MACIR: variants seen among roughly 807,000 people sequenced by gnomAD.
MACIR encodes the protein UNC119-binding protein C5orf30.
A neutral mutation model predicts 14.3 loss-of-function variants in MACIR; 4 were observed. The observed-to-expected ratio is 0.28, with a 90% CI of 0.14 to 0.64. MACIR has a LOEUF of 0.64. Ranked by LOEUF, MACIR falls within the 30% of genes least tolerant of loss-of-function variation. The pLI is 0.83. For synonymous variants in MACIR, 101 were observed against 102.4 expected, an observed-to-expected ratio of 0.99 and a Z score of 0.08; for missense variants, 228 against 257.6, an observed-to-expected ratio of 0.89 and a Z score of 0.79.
chr5:103,268,881 G>A (rs1805023084), intron 2 of MACIR, among the ~76,000 whole-genome samples: 1 of 151,938 alleles, frequency 6.6e-6, no homozygotes, highest in African/African-American at 2.4e-5. Flanking sequence ...ATTTCAAGGT[G>A]GATGTTCCAG....
At chr5:103,259,287 C>CG (rs1349582702) in intron 1 of MACIR, 1 of 151,986 alleles carries the variant, frequency 6.6e-6, no homozygotes, top group Non-Finnish European at 1.5e-5. Flanking sequence ...TGTGAGTGTG[C>CG]GGGGGCGTGC....
intron 1 of MACIR, among the ~76,000 whole-genome samples, chr5:103,261,207 A>G (rs1293963265): frequency 6.6e-6 from 1 of 152,256 alleles, no homozygotes; most frequent in Non-Finnish European, 1.5e-5. Context: ...ATTATGGGTT[A>G]TCTTACAAAG....
chr5:103,262,859 G>A (rs937560285), intron 1 of MACIR, among the ~76,000 whole-genome samples: 6 of 152,146 alleles, frequency 3.9e-5, no homozygotes, highest in African/African-American at 1.2e-4. Flanking sequence ...ATTTCACATG[G>A]ATTCCTTTTC....
Position 103,269,912 on chromosome 5 carries a change from G to A in MACIR, c.-24+3915G>A, listed in dbSNP as rs1461478674. ...GAAATGTTATCTTTCCTTTTTTGAA[G>A]GAAAGTTTACATTTAGTTTGTAAAT... On this transcript the variant is annotated intron_variant, in intron 2 of 2. Coordinates refer to ENST00000319933, the MANE Select transcript of MACIR (RefSeq NM_033211.4). 2.0e-5 allele frequency among the ~76,000 whole-genome samples: 3 copies of A among 152,074 alleles called. No homozygotes were observed. In the East Asian group the frequency reaches 5.8e-4, roughly 29 times the overall value.
chr5:103,273,689 G>A lies in MACIR; in HGVS notation c.-23-2208G>A, dbSNP rs1037463477. 1.4e-4 allele frequency among the ~76,000 whole-genome samples: 21 copies of A among 152,104 alleles called. 1 individual carries two copies. In the South Asian group the frequency reaches 4.4e-3, roughly 32 times the overall value. ...GCCTCCTCCTCATTACTGTAACTTTGTGCATTATTAACTTACTTAGCAAAT... is the reference window on the plus strand; with the variant it reads ...GCCTCCTCCTCATTACTGTAACTTTATGCATTATTAACTTACTTAGCAAAT... On this transcript the variant is annotated intron_variant, in intron 2 of 2. Coordinates refer to ENST00000319933, the MANE Select transcript of MACIR (RefSeq NM_033211.4).
chr5:103,263,078 C>T (rs1554236432), intron 1 of MACIR, among the ~76,000 whole-genome samples: 1 of 152,064 alleles, frequency 6.6e-6, no homozygotes, highest in Non-Finnish European at 1.5e-5. Context: ...GGGTAGAACC[C>T]TTACTGTAAT....
chr5:103,271,338 C>G (rs150563171), intron 2 of MACIR, among the ~76,000 whole-genome samples: 351 of 152,142 alleles, frequency 2.3e-3, no homozygotes, highest in African/African-American at 8.1e-3. Context: ...TAGGTTTGGC[C>G]TCTCAGAGAG....
In MACIR at chr5:103,278,613, G is replaced by A. The variant is rs1313608638; in HGVS notation, c.*2073G>A. 3.6e-5 allele frequency: 6 copies of A among 167,156 alleles called. No individual in the cohort carries two copies. The highest frequency in any genetic ancestry group is 2.9e-5 in the Non-Finnish European group (2 of 68,102). 10.4% of individuals were successfully genotyped at this position (167,156 alleles called of 1,614,324 possible). A position where few individuals can be genotyped will look rare whatever the true frequency, so the allele number is the denominator to read the frequency against. The stretch of plus-strand genomic sequence containing the variant: ...GTTACCTATGAGACCTGTTCTGTCC[G>A]TGTGCCTACGTTCCTTAATAATAGC... On this transcript the variant is annotated 3_prime_UTR_variant, in exon 3 of 3. Transcript: ENST00000319933.
intron 2 of MACIR, among the ~76,000 whole-genome samples, chr5:103,271,026 C>T (rs1449671587): frequency 6.6e-6 from 1 of 152,028 alleles, no homozygotes; most frequent in African/African-American, 2.4e-5. Context: ...TTAAACTTGG[C>T]GGAATGAGTC....
intron 2 of MACIR, among the ~76,000 whole-genome samples, chr5:103,268,111 C>T (rs74815710): frequency 0.011 from 1,642 of 152,136 alleles, 32 homozygotes; most frequent in African/African-American, 0.038. Flanking sequence ...TTTCCAGTTT[C>T]GGTGTTTGTG....
chr5:103,276,639 G>T lies in MACIR; in HGVS notation c.*99G>T. The T allele has an allele frequency of 9.1e-7, 1 of 1,103,584 alleles. No individual in the cohort carries two copies. The highest frequency in any genetic ancestry group is 2.0e-5 in the South Asian group (1 of 51,058). 68.4% of individuals were successfully genotyped at this position (1,103,584 alleles called of 1,614,324 possible). ...TACATGACTCTTCACACTATAGATG[G>T]TTATATCAGCTAAGTGTTCCTGGAA... On this transcript the variant is annotated 3_prime_UTR_variant, in exon 3 of 3. Transcript: ENST00000319933.
chr5:103,268,358 CA>C (rs1396005121), intron 2 of MACIR, among the ~76,000 whole-genome samples: 5 of 152,136 alleles, frequency 3.3e-5, no homozygotes, highest in African/African-American at 9.7e-5. Context: ...TCATTCAGCA[CA>C]GATTTATTTT....
chr5:103,275,960 C>T lies in MACIR; in HGVS notation c.41C>T (p.Thr14Ile). Residue 14 changes from threonine (T) to isoleucine (I), a missense_variant, in exon 3 of 3, where the codon ACC (threonine) becomes ATC (isoleucine). By Grantham distance (89) the Thr-to-Ile change is moderately conservative (BLOSUM62 -1). Coordinates refer to ENST00000319933, the MANE Select transcript of MACIR (RefSeq NM_033211.4). ...AATGGAGAGTCTAGAAGTACCCTGA[C>T]CACCTTGCCCTTCCCTGGGGCTGAG... is the stretch of plus-strand genomic sequence containing the variant. Reference protein sequence around the residue: ...DINGESRSTLTTLPFPGAEAN... With the variant: ...DINGESRSTLITLPFPGAEAN... 2 of 1,613,880 alleles carry T rather than the reference C, an allele frequency of 1.2e-6. No individual in the cohort carries two copies. Among genetic ancestry groups the T allele is most frequent in the Non-Finnish European group, 1.7e-6 (2 of 1,180,004 alleles).
intron 2 of MACIR, among the ~76,000 whole-genome samples, chr5:103,274,112 G>C (rs545232882): frequency 6.6e-6 from 1 of 152,266 alleles, no homozygotes; most frequent in South Asian, 2.1e-4. Context: ...ACGTAGGTTG[G>C]AGGCCTTGGC....
intron 1 of MACIR, among the ~76,000 whole-genome samples, chr5:103,261,039 A>G (rs1804663883): frequency 6.6e-6 from 1 of 152,262 alleles, no homozygotes; most frequent in Non-Finnish European, 1.5e-5. Context: ...TTCTAAAAGT[A>G]GAAGGATGAC....
chr5:103,266,184 A>T (rs1804917671), intron 2 of MACIR, among the ~76,000 whole-genome samples, 187 bp downstream of exon 2: 3 of 152,146 alleles, frequency 2.0e-5, no homozygotes, highest in Non-Finnish European at 4.4e-5. Context: ...GTGAGAAATG[A>T]ACTTATTGTT....
Position 103,276,369 on chromosome 5 carries a change from TG to T in MACIR, c.453del (p.Pro152LeufsTer22), listed in dbSNP as rs1805333916. 6.2e-7 allele frequency: 1 copy of T among 1,613,402 alleles called. No homozygotes were observed. The highest frequency in any genetic ancestry group is 1.3e-5 in the African/African-American group (1 of 74,750). ...LPYEPYKALHGPLPLCLLKGK... is the reference protein window; with the variant it reads ...LPYEPYKALHXPLPLCLLKGK... Reference sequence around the variant, plus strand: ...CTTATGAACCTTACAAGGCCCTCCATGGGCCTCTGCCTCTTTGTCTTCTTAA... The same window carrying T: ...CTTATGAACCTTACAAGGCCCTCCATGGCCTCTGCCTCTTTGTCTTCTTAA... On this transcript the variant is annotated frameshift_variant, in exon 3 of 3. Coordinates refer to ENST00000319933, the MANE Select transcript of MACIR (RefSeq NM_033211.4). LOFTEE classifies it high-confidence loss of function.
chr5:103,270,378 A>T (rs1805082585), intron 2 of MACIR, among the ~76,000 whole-genome samples: 1 of 152,072 alleles, frequency 6.6e-6, no homozygotes, highest in Non-Finnish European at 1.5e-5. Context: ...GTAATCACTC[A>T]CTCTTACATT....
chr5:103,265,179 A>G (rs1804878565), intron 1 of MACIR, among the ~76,000 whole-genome samples: 1 of 152,154 alleles, frequency 6.6e-6, no homozygotes, highest in Non-Finnish European at 1.5e-5. Flanking sequence ...TAAGGTGGTA[A>G]CTATAAAAAA....
Sources: gnomAD v4.1 joint callset for allele counts (sites outside exome capture counted in the v4.1 genomes callset) on GRCh38, gnomAD v4.1.1 for gene constraint, MANE v1.5 for transcripts, NCBI Gene and HGNC (gene_info 2026-07-23, HGNC 2026-07-21) for gene names.